NTN1: variants seen among roughly 807,000 people sequenced by gnomAD.
NTN1 encodes the protein netrin-1.
Under a neutral mutation model 54.2 loss-of-function variants are expected in NTN1, and 11 were observed. The observed-to-expected ratio is 0.20, with a 90% CI of 0.13 to 0.34. The LOEUF (loss-of-function observed/expected upper bound fraction) is 0.34. Ranked by LOEUF, NTN1 falls within the 10% of genes least tolerant of loss-of-function variation. NTN1 has a pLI of 1.00. For synonymous variants in NTN1, 371 were observed against 382.0 expected, an observed-to-expected ratio of 0.97 and a Z score of 0.33; for missense variants, 740 against 893.1, an observed-to-expected ratio of 0.83 and a Z score of 2.18.
At chr17:9,163,497 CACACACACACACACACACACACACG>C (rs2092364956) in intron 3 of NTN1, among the ~76,000 whole-genome samples, 5 of 16,000 alleles carry the variant, frequency 3.1e-4, no homozygotes, top group African/African-American at 6.9e-4. Context: ...CACACACACA[CACACACACACACACACACACACACG>C]TACAGTCACA....
rs1765182236 is a variant in NTN1, at chr17:9,023,082, G to A, written c.709G>A (p.Val237Met). The change falls in exon 2 of 7, where the codon GTG becomes ATG. Residue 237 changes from valine (V) to methionine (M), a missense_variant. Transcript: ENST00000173229. ...PSAHDFDNSP[V>M]LQDWVTATDI... is the part of the protein sequence containing the mutation. ...GGCGCACGACTTCGACAACTCGCCC[G>A]TGCTGCAGGACTGGGTCACGGCCAC... The A allele has an allele frequency of 6.4e-7, 1 of 1,573,004 alleles. No individual in the cohort carries two copies. The highest frequency in any genetic ancestry group is 8.6e-7 in the Non-Finnish European group (1 of 1,160,540).
chr17:9,003,598 G>A, the NTN1 span, among the ~76,000 whole-genome samples: 1 of 148,634 alleles, frequency 6.7e-6, no homozygotes, highest in Non-Finnish European at 1.5e-5. This position sits in a 1 kb window ranked among gnomAD's most constrained non-coding sequence, Gnocchi z 7.4. Context: ...CCCCGGCCCT[G>A]CCGCGCCCGC....
rs57053201 is a variant in NTN1 at position 9,133,754 on chromosome 17, A to ATTTT, written c.1019-29042_1019-29039dup. On this transcript the variant is annotated intron_variant, in intron 2 of 6. Coordinates refer to ENST00000173229, the MANE Select transcript of NTN1 (RefSeq NM_004822.3). ...AGGTGCGCACCACCATGCCCAGCTA[A>ATTTT]TTTTTTTTTTTTTTTTTTTTGTATT... Among the ~76,000 whole-genome samples, 21 of 104,526 alleles carry ATTTT rather than the reference A, an allele frequency of 2.0e-4. 2 individuals are homozygous for ATTTT. The highest frequency in any genetic ancestry group is 2.5e-4 in the Non-Finnish European group (14 of 55,460). The allele number at this position is 104,526 out of a possible 152,430, so 68.6% of individuals were successfully genotyped here.
intron 6 of NTN1, among the ~76,000 whole-genome samples, chr17:9,228,712 G>A (rs1029541655): frequency 7.2e-5 from 11 of 152,152 alleles, no homozygotes; most frequent in African/African-American, 2.7e-4. Context: ...CTCACAGGAC[G>A]ATTTGTCTCA....
chr17:9,192,207 A>G (rs949326026), intron 5 of NTN1, among the ~76,000 whole-genome samples: 4 of 152,214 alleles, frequency 2.6e-5, no homozygotes, highest in Admixed American at 6.5e-5. Context: ...ATGTGTGCCA[A>G]AATTTAGCTA....
intron 5 of NTN1, among the ~76,000 whole-genome samples, chr17:9,184,133 C>T (rs551968642): frequency 2.6e-5 from 4 of 152,254 alleles, no homozygotes; most frequent in South Asian, 4.1e-4. Flanking sequence ...ATTGGCAGTG[C>T]GCTGGAAACT....
intron 2 of NTN1, among the ~76,000 whole-genome samples, chr17:9,139,073 C>T (rs1422895967): frequency 6.6e-6 from 1 of 152,044 alleles, no homozygotes; most frequent in South Asian, 2.1e-4. Context: ...AAAAGGTCTT[C>T]GGGGGACAGG....
chr17:9,199,057 C>T (rs1217505782), intron 5 of NTN1, among the ~76,000 whole-genome samples: 1 of 152,228 alleles, frequency 6.6e-6, no homozygotes, highest in Non-Finnish European at 1.5e-5. Flanking sequence ...CTCTACTTCT[C>T]ACAACCCTGT....
At chr17:9,108,957 A>T (rs1279483159) in intron 2 of NTN1, among the ~76,000 whole-genome samples, 1 of 150,650 alleles carries the variant, frequency 6.6e-6, no homozygotes, top group East Asian at 2.0e-4. Context: ...GCTCACTGCA[A>T]CCTCTGCCTC....
At chr17:9,183,804 C>G (rs1472523877) in intron 5 of NTN1, 1 of 165,986 alleles carries the variant, frequency 6.0e-6, no homozygotes, top group Non-Finnish European at 1.3e-5. Context: ...ACAGGCTTCA[C>G]CAGTCCTTGG....
intron 5 of NTN1, among the ~76,000 whole-genome samples, chr17:9,202,371 C>T (rs938063232): frequency 2.0e-5 from 3 of 152,182 alleles, no homozygotes; most frequent in Non-Finnish European, 4.4e-5. Flanking sequence ...CTCTAGGTTC[C>T]ACACCCTACA....
the NTN1 span, among the ~76,000 whole-genome samples, chr17:9,004,251 C>A: frequency 6.6e-6 from 1 of 152,250 alleles, no homozygotes; most frequent in Non-Finnish European, 1.5e-5. Flanking sequence ...ACACGGCAAG[C>A]TTCTGGGGCT....
At chr17:9,024,081 T>C (rs2091862493) in intron 2 of NTN1, among the ~76,000 whole-genome samples, 2 of 152,264 alleles carry the variant, frequency 1.3e-5, no homozygotes, top group Admixed American at 1.3e-4. Flanking sequence ...ATACCAGATT[T>C]TTTTTATTAG....
At chr17:9,177,556 A>G (rs922171390) in intron 3 of NTN1, 1 of 152,236 alleles carries the variant, frequency 6.6e-6, no homozygotes, top group Non-Finnish European at 1.5e-5. Context: ...CATGAATCTT[A>G]GGATTACCAG....
chr17:9,226,490 TCG>T (rs1355280126), intron 6 of NTN1, among the ~76,000 whole-genome samples: 1 of 30,662 alleles, frequency 3.3e-5, no homozygotes, highest in East Asian at 3.4e-3. Context: ...GGAGGCGGTC[TCG>T]TGGGGAGGTG....
intron 2 of NTN1, among the ~76,000 whole-genome samples, chr17:9,140,388 G>T (rs2092294345): frequency 6.6e-6 from 1 of 152,220 alleles, no homozygotes; most frequent in African/African-American, 2.4e-5. Flanking sequence ...GAAAGCACAG[G>T]CTGAACTCGT....
In NTN1 at chr17:9,135,311, C is replaced by G. The variant is rs529279285; in HGVS notation, c.1019-27502C>G. ...AATGTGTCCCCCAGACCCAACACCT[C>G]TTTGCACAGTCCTGAACCTGTGTCT... On this transcript the variant is annotated intron_variant, in intron 2 of 6. Transcript: ENST00000173229. This position sits in a 1 kb window ranked among gnomAD's most constrained non-coding sequence, Gnocchi z 4.4. Among the ~76,000 whole-genome samples, 1 of 152,350 alleles carries G rather than the reference C, an allele frequency of 6.6e-6. No individual in the cohort carries two copies. The highest frequency in any genetic ancestry group is 2.1e-4 in the South Asian group (1 of 4,824).
chr17:9,166,843 C>G (rs1054305828), intron 3 of NTN1, among the ~76,000 whole-genome samples: 1 of 152,146 alleles, frequency 6.6e-6, no homozygotes. Context: ...GGCAGGGGGC[C>G]GAGGCCACCC....
rs532981408 is a variant in NTN1, at chr17:9,124,367, G to T, written c.1019-38446G>T. Among the ~76,000 whole-genome samples, 26 of 152,308 alleles carry T rather than the reference G, an allele frequency of 1.7e-4. No homozygotes were observed. The South Asian group carries it at 5.4e-3, about 32-fold the overall frequency. ...CAGTCGGTTGGACAGACATGTCGTG[G>T]TGTGCCCTCCTCCCTCCGGCTTCTC... On this transcript the variant is annotated intron_variant, in intron 2 of 6. Transcript: ENST00000173229.
Sources: allele counts gnomAD v4.1 joint callset (sites outside exome capture counted in the v4.1 genomes callset), GRCh38; gene constraint gnomAD v4.1.1; non-coding constraint Gnocchi (gnomAD v3.1); transcripts MANE v1.5; gene names NCBI Gene and HGNC (gene_info 2026-07-23, HGNC 2026-07-21).